Variants in DHX58 observed in about 807,000 individuals in gnomAD.
DHX58 encodes the protein ATP-dependent RNA helicase DHX58.
Under a neutral mutation model 65.0 loss-of-function variants are expected in DHX58, and 51 were observed. The ratio of observed to expected loss-of-function variants is 0.78; its 90% CI spans 0.63 to 0.99. The LOEUF (loss-of-function observed/expected upper bound fraction) is 0.99, where lower values mean the gene tolerates loss of function less well. Ranked by LOEUF, DHX58 falls within the 50% of genes least tolerant of loss-of-function variation. DHX58 has a pLI of 0.00. For synonymous variants in DHX58, 350 were observed against 365.0 expected, an observed-to-expected ratio of 0.96 and a Z score of 0.47; for missense variants, 773 against 891.8, an observed-to-expected ratio of 0.87 and a Z score of 1.70.
Position 42,105,054 on chromosome 17 carries a change from A to G in DHX58, c.1365T>C (p.Arg455=). 6.2e-7 allele frequency: 1 copy of G among 1,613,674 alleles called. No individual in the cohort carries two copies. The highest frequency in any genetic ancestry group is 8.5e-7 in the Non-Finnish European group (1 of 1,179,950). ...AGATTTCATTGGTCAAGAGCCCATAACGCACCACCACATTGCAATGTGGGA... is the reference window on the plus strand; with the variant it reads ...AGATTTCATTGGTCAAGAGCCCATAGCGCACCACCACATTGCAATGTGGGA... The part of the protein sequence containing the change: ...LDIPHCNVVV[R]YGLLTNEISM... The change falls in exon 10 of 14, where the codon CGT becomes CGC. Residue 455 remains arginine (R), a synonymous_variant. Coordinates refer to ENST00000251642, the MANE Select transcript of DHX58 (RefSeq NM_024119.3).
In DHX58 at chr17:42,109,321, C is replaced by T. The variant is rs1195066293; in HGVS notation, c.627G>A (p.Glu209=). ...ACTGTTTGCAAGGCTGTTGGCTGTG[C>T]TCCTGCAGCTGGGGGCAGCAGTTCT... ...SPQNCCPQLQ[E]HSQQPCKQYN... The change falls in exon 6 of 14, where the codon GAG becomes GAA. Residue 209 remains glutamate (E), a synonymous_variant. Coordinates refer to ENST00000251642, the MANE Select transcript of DHX58 (RefSeq NM_024119.3). The T allele has an allele frequency of 6.2e-7, 1 of 1,613,778 alleles. No homozygotes were observed. Among genetic ancestry groups the T allele is most frequent in the Non-Finnish European group, 8.5e-7 (1 of 1,179,860 alleles).
chr17:42,106,456 G>A (rs2054061878), intron 8 of DHX58, among the ~76,000 whole-genome samples: 2 of 139,968 alleles, frequency 1.4e-5, no homozygotes, highest in African/African-American at 5.1e-5. Context: ...GGTGGGGGAA[G>A]GATGGAACTC....
chr17:42,105,649 C>A, intron 9 of DHX58, 87 bp downstream of exon 9: 1 of 1,484,802 alleles, frequency 6.7e-7, no homozygotes, highest in Non-Finnish European at 8.9e-7. Flanking sequence ...TCCCTGCCCC[C>A]ACCTCTCTGT....
intron 6 of DHX58, 22 bp downstream of exon 6, chr17:42,109,248 C>T: frequency 6.2e-7 from 1 of 1,600,476 alleles, no homozygotes; most frequent in Non-Finnish European, 8.5e-7. Context: ...CCCGCTCTCG[C>T]CGTGTCCCTG....
Position 42,105,008 on chromosome 17 carries a change from ATG to A in DHX58, c.1401+8_1401+9del. 6.2e-7 allele frequency: 1 copy of A among 1,612,250 alleles called. No homozygotes were observed. The highest frequency in any genetic ancestry group is 1.1e-5 in the South Asian group (1 of 91,054). On this transcript the variant is annotated splice_region_variant and intron_variant, in intron 10 of 13. Coordinates refer to ENST00000251642, the MANE Select transcript of DHX58 (RefSeq NM_024119.3). Reference sequence around the variant, plus strand: ...TATAAGGGCGGCTGAGTGGAGGAGGATGTGAGTACCTGGACCATGGAGATTTC... The same window carrying A: ...TATAAGGGCGGCTGAGTGGAGGAGGATGAGTACCTGGACCATGGAGATTTC...
chr17:42,108,660 G>A (rs1323430080), intron 6 of DHX58, among the ~76,000 whole-genome samples: 2 of 152,274 alleles, frequency 1.3e-5, no homozygotes, highest in Non-Finnish European at 2.9e-5. Context: ...GAGTTAAGCT[G>A]CTGACCCTGA....
chr17:42,105,411 A>G (rs2054040511), intron 9 of DHX58, among the ~76,000 whole-genome samples: 1 of 151,974 alleles, frequency 6.6e-6, no homozygotes, highest in Admixed American at 6.5e-5. Flanking sequence ...TAGTCTAGGA[A>G]AAACTCTCAA....
chr17:42,101,796 A>C lies in DHX58; in HGVS notation c.2002T>G (p.Cys668Gly). ...SVPDFDFLQH[C>G]AENLSDLSLD ...GAGAGGTCCGACAAGTTCTCGGCAC[A>C]ATGCTGCAGGAAGTCAAAGTCAGGC... is the stretch of plus-strand genomic sequence containing the variant. The change falls in exon 14 of 14, where the codon TGT (cysteine) becomes GGT (glycine). Residue 668 changes from cysteine to glycine, a missense_variant. By Grantham distance (159) the Cys-to-Gly change is radical. Coordinates refer to ENST00000251642, the MANE Select transcript of DHX58 (RefSeq NM_024119.3). The C allele has an allele frequency of 6.2e-7, 1 of 1,614,220 alleles. No individual in the cohort carries two copies. The highest frequency in any genetic ancestry group is 2.2e-5 in the East Asian group (1 of 44,892).
chr17:42,109,475 C>T lies in DHX58; in HGVS notation c.562-89G>A, dbSNP rs2054115452. 6.4e-6 allele frequency: 7 copies of T among 1,098,670 alleles called. No individual in the cohort carries two copies. In the Admixed American group the frequency reaches 1.3e-4, roughly 20 times the overall value. The allele number at this position is 1,098,670 out of a possible 1,614,324, so 68.1% of individuals were successfully genotyped here. A position where few individuals can be genotyped will look rare whatever the true frequency, so the allele number is the denominator to read the frequency against. ...GGGCAGGATGGATCCCAGCTGAGGA[C>T]AGGAGAATGTGGGCATTCGTCTACT... On this transcript the variant is annotated intron_variant, in intron 5 of 13. Transcript: ENST00000251642.
In DHX58 at chr17:42,105,164, C is replaced by A. The variant is rs1555662367; in HGVS notation, c.1255G>T (p.Asp419Tyr). The change falls in exon 10 of 14, where the codon GAC (aspartate) becomes TAC (tyrosine). Residue 419 changes from aspartate (D) to tyrosine (Y), a missense_variant. Asp to Tyr is a radical substitution (Grantham distance 160). Coordinates refer to ENST00000251642, the MANE Select transcript of DHX58 (RefSeq NM_024119.3). ...AACTTCTGGATCACTTCTTGCTGGTCCCTCTGCAGGCGGAGGGCAGGGAGG... is the reference window on the plus strand; with the variant it reads ...AACTTCTGGATCACTTCTTGCTGGTACCTCTGCAGGCGGAGGGCAGGGAGG... ...SSQSTHMTQR[D>Y]QQEVIQKFQD... 2 of 1,610,980 alleles carry A rather than the reference C, an allele frequency of 1.2e-6. No individual in the cohort carries two copies. Among genetic ancestry groups the A allele is most frequent in the South Asian group, 2.2e-5 (2 of 90,714 alleles).
chr17:42,102,500 T>C lies in DHX58; in HGVS notation c.1755-188A>G, dbSNP rs1227428102. The C allele has an allele frequency of 4.5e-5, 26 of 575,656 alleles. 1 individual carries two copies. The East Asian group carries it at 7.6e-4, about 17-fold the overall frequency. 35.7% of individuals were successfully genotyped at this position (575,656 alleles called of 1,614,324 possible). A position where few individuals can be genotyped will look rare whatever the true frequency, so the allele number is the denominator to read the frequency against. On this transcript the variant is annotated intron_variant, in intron 12 of 13. Coordinates refer to ENST00000251642, the MANE Select transcript of DHX58 (RefSeq NM_024119.3). Reference sequence around the variant, plus strand: ...TGTGTGGCCTCCATCGCACGTTCCCTTGTGCCCAGGTTCAAGCCTCAGCAT... The same window carrying C: ...TGTGTGGCCTCCATCGCACGTTCCCCTGTGCCCAGGTTCAAGCCTCAGCAT...
At chr17:42,107,949 CCTCG>C in intron 7 of DHX58, 29 bp downstream of exon 7, 2 of 1,613,342 alleles carry the variant, frequency 1.2e-6, no homozygotes, top group South Asian at 2.2e-5. Context: ...ACTCCCACAT[CCTCG>C]CCTCCGCCAG....
chr17:42,102,804 T>C (rs2053999034), intron 12 of DHX58: 1 of 152,530 alleles, frequency 6.6e-6, no homozygotes, highest in Non-Finnish European at 1.5e-5. Context: ...GTGTCGCTTT[T>C]TTTTTTTTAA....
Position 42,107,752 on chromosome 17 carries a change from G to A in DHX58, c.849C>T (p.His283=). The part of the protein sequence containing the change: ...GLQEQRVYAL[H]LRRYNDALLI... ...GCAGCGCGTCATTGTAGCGCCTCAGGTGAAGCGCATACACCCGTTGCTCCT... is the reference window on the plus strand; with the variant it reads ...GCAGCGCGTCATTGTAGCGCCTCAGATGAAGCGCATACACCCGTTGCTCCT... The change falls in exon 8 of 14, where the codon CAC becomes CAT. Residue 283 remains histidine (H), a synonymous_variant. Coordinates refer to ENST00000251642, the MANE Select transcript of DHX58 (RefSeq NM_024119.3). 1 of 1,599,756 alleles carries A rather than the reference G, an allele frequency of 6.3e-7. No individual in the cohort carries two copies. The highest frequency in any genetic ancestry group is 8.5e-7 in the Non-Finnish European group (1 of 1,172,954).
chr17:42,107,252 GC>G (rs1270144807), intron 8 of DHX58, among the ~76,000 whole-genome samples: 162 of 151,894 alleles, frequency 1.1e-3, no homozygotes, highest in African/African-American at 3.7e-3. Flanking sequence ...TGTACGCCTA[GC>G]TACTTGGGAA....
intron 5 of DHX58, among the ~76,000 whole-genome samples, chr17:42,110,322 T>C (rs1005637964): frequency 4.6e-5 from 7 of 151,938 alleles, no homozygotes; most frequent in African/African-American, 1.7e-4. Context: ...AGCTGTTCAA[T>C]GAATGACAAG....
chr17:42,101,840 G>A lies in DHX58; in HGVS notation c.1958C>T (p.Ser653Phe). Residue 653 changes from serine to phenylalanine, a missense_variant, in exon 14 of 14, where the codon TCC becomes TTC. Physicochemically the swap from Ser to Phe is radical, Grantham distance 155 (BLOSUM62 -2). Coordinates refer to ENST00000251642, the MANE Select transcript of DHX58 (RefSeq NM_024119.3). ...PQGRIQAKKW[S>F]RVPFSVPDFD... is the part of the protein sequence containing the mutation. Reference sequence around the variant, plus strand: ...GTCAGGCACGGAGAAGGGCACGCGGGACCACTTTTTGGCCTGGATCCGCCC... The same window carrying A: ...GTCAGGCACGGAGAAGGGCACGCGGAACCACTTTTTGGCCTGGATCCGCCC... 1 of 1,614,248 alleles carries A rather than the reference G, an allele frequency of 6.2e-7. No individual in the cohort carries two copies. The highest frequency in any genetic ancestry group is 8.5e-7 in the Non-Finnish European group (1 of 1,180,044).
chr17:42,101,963 G>C lies in DHX58; in HGVS notation c.1852-17C>G, dbSNP rs1568000832. On this transcript the variant is annotated splice_polypyrimidine_tract_variant and intron_variant, in intron 13 of 13. Transcript: ENST00000251642. The stretch of plus-strand genomic sequence containing the variant: ...ACCCCAGACCTGGAGGTGAGACAGA[G>C]AGGGTAGGGTCTGGGTCTCTGGCCT... 1.3e-6 allele frequency: 2 copies of C among 1,599,096 alleles called. No homozygotes were observed. Among genetic ancestry groups the C allele is most frequent in the Non-Finnish European group, 1.7e-6 (2 of 1,171,742 alleles).
rs782580206 is a variant in DHX58, at chr17:42,105,865, G to A, written c.1122C>T (p.Thr374=). The part of the protein sequence containing the change: ...SSNSPRGIIF[T]RTRQSAHSLL... Reference sequence around the variant, plus strand: ...GGGAGTGTGCGCTTTGGCGGGTGCGGGTGAAGATGATACCCCGAGGGCTGT... The same window carrying A: ...GGGAGTGTGCGCTTTGGCGGGTGCGAGTGAAGATGATACCCCGAGGGCTGT... Residue 374 remains threonine (T), a synonymous_variant, in exon 9 of 14, where the codon ACC becomes ACT. Coordinates refer to ENST00000251642, the MANE Select transcript of DHX58 (RefSeq NM_024119.3). 6.2e-7 allele frequency: 1 copy of A among 1,614,010 alleles called. No individual in the cohort carries two copies. The highest frequency in any genetic ancestry group is 1.1e-5 in the South Asian group (1 of 91,078).
Sources: allele counts gnomAD v4.1 joint callset (sites outside exome capture counted in the v4.1 genomes callset), GRCh38; gene constraint gnomAD v4.1.1; transcripts MANE v1.5; gene names NCBI Gene and HGNC (gene_info 2026-07-23, HGNC 2026-07-21).